Variants in JARID2 observed in about 807,000 individuals in gnomAD.
JARID2 encodes jumonji and AT-rich interaction domain containing 2, also known as protein Jumonji.
A neutral mutation model predicts 125.6 loss-of-function variants in JARID2; 21 were observed. The ratio of observed to expected loss-of-function variants is 0.17; its 90% confidence interval spans 0.12 to 0.24. The LOEUF (loss-of-function observed/expected upper bound fraction) is 0.24. JARID2 is among the 10% of genes least tolerant of loss of function. The probability of loss-of-function intolerance (pLI) is 1.00; values close to 1 mark genes in which losing one functional copy is unlikely to be tolerated. For synonymous variants in JARID2, 736 were observed against 661.6 expected, an observed-to-expected ratio of 1.11 and a Z score of -1.73; for missense variants, 1,303 against 1,639.6, an observed-to-expected ratio of 0.79 and a Z score of 3.55.
rs150112016 is a variant in JARID2, at chr6:15,507,364, C to T, written c.2679C>T (p.Thr893=). 53 of 1,614,062 alleles carry T rather than the reference C, an allele frequency of 3.3e-5. No homozygotes were observed. The African/African-American group carries it at 5.1e-4, about 15-fold the overall frequency. ...TTTGCAGGCATGGATGGAACCTCAC[C>T]GTCCTCCCCAATAACACAGGGTCCA... is the stretch of plus-strand genomic sequence containing the variant. The part of the protein sequence containing the change: ...EPFSRHGWNL[T]VLPNNTGSIL... Residue 893 remains threonine, a synonymous_variant, in exon 11 of 18, where the codon ACC becomes ACT. Coordinates refer to ENST00000341776, the MANE Select transcript of JARID2 (RefSeq NM_004973.4).
chr6:15,464,416 A>T (rs911551080), intron 4 of JARID2, among the ~76,000 whole-genome samples: 1 of 152,200 alleles, frequency 6.6e-6, no homozygotes, highest in African/African-American at 2.4e-5. Flanking sequence ...GTGCCCGACC[A>T]AATTCTGGAG....
intron 3 of JARID2, among the ~76,000 whole-genome samples, chr6:15,440,517 A>T (rs1000604954): frequency 2.0e-5 from 3 of 152,186 alleles, no homozygotes; most frequent in African/African-American, 7.2e-5. Context: ...GCAGTGTTGA[A>T]TGTTGGGAAA....
intron 3 of JARID2, among the ~76,000 whole-genome samples, chr6:15,415,589 G>A (rs1305672536): frequency 2.2e-5 from 3 of 136,376 alleles, no homozygotes; most frequent in African/African-American, 5.4e-5. Flanking sequence ...CTGGCCGGGC[G>A]GGGGGCTGAC....
At chr6:15,274,668 G>T (rs1424134352) in intron 1 of JARID2, among the ~76,000 whole-genome samples, 1 of 152,126 alleles carries the variant, frequency 6.6e-6, no homozygotes, top group Non-Finnish European at 1.5e-5. Flanking sequence ...GGGTGACTTA[G>T]CCAGGGCAAT....
chr6:15,337,107 A>G (rs1762904677), intron 1 of JARID2, among the ~76,000 whole-genome samples: 2 of 152,098 alleles, frequency 1.3e-5, no homozygotes, highest in Non-Finnish European at 1.5e-5. Context: ...AAACCCTGCC[A>G]TCTCTTTCCT....
intron 1 of JARID2, among the ~76,000 whole-genome samples, chr6:15,256,971 A>G (rs1759690738): frequency 6.6e-6 from 1 of 152,138 alleles, no homozygotes; most frequent in Admixed American, 6.5e-5. Context: ...AAAAAGATAG[A>G]CTTAACTGAT....
rs143867264 is a variant in JARID2 at position 15,271,250 on chromosome 6, C to T, written c.45+24666C>T. On this transcript the variant is annotated intron_variant, in intron 1 of 17. Transcript: ENST00000341776. ...AAGGGAGGTTCAGGAGGGCTTGAGG[C>T]CAGTGGGTTCTAATCACACAAGGAT... 5.8e-3 allele frequency among the ~76,000 whole-genome samples: 888 copies of T among 152,136 alleles called. 8 individuals carry two copies. Among genetic ancestry groups the T allele is most frequent in the African/African-American group, 0.021 (862 of 41,488 alleles).
At chr6:15,405,502 C>T (rs1765613547) in intron 2 of JARID2, among the ~76,000 whole-genome samples, 1 of 152,178 alleles carries the variant, frequency 6.6e-6, no homozygotes, top group African/African-American at 2.4e-5. Context: ...ATTTTCAGCT[C>T]ATATTTATTG....
At chr6:15,360,780 C>T (rs1480479027) in intron 1 of JARID2, among the ~76,000 whole-genome samples, 2 of 152,178 alleles carry the variant, frequency 1.3e-5, no homozygotes, top group East Asian at 3.8e-4. Flanking sequence ...GTGAGAATTA[C>T]AGACATGAGC....
At chr6:15,466,852 T>C (rs867140226) in intron 4 of JARID2, among the ~76,000 whole-genome samples, 4 of 152,258 alleles carry the variant, frequency 2.6e-5, no homozygotes, top group Non-Finnish European at 4.4e-5. Context: ...CTCCCTCTTC[T>C]ATTTGATTTT....
chr6:15,317,936 G>C (rs1372608734), intron 1 of JARID2, among the ~76,000 whole-genome samples: 1 of 152,222 alleles, frequency 6.6e-6, no homozygotes, highest in Non-Finnish European at 1.5e-5. Context: ...GTGCCTGCAA[G>C]TTCCAGCAGA....
intron 2 of JARID2, among the ~76,000 whole-genome samples, chr6:15,395,822 G>A (rs1333825423): frequency 6.6e-6 from 1 of 151,928 alleles, no homozygotes; most frequent in African/African-American, 2.4e-5. Flanking sequence ...GCACCACCAT[G>A]CCTGGCTAAT....
chr6:15,261,523 A>G (rs1262680558), intron 1 of JARID2, among the ~76,000 whole-genome samples: 1 of 151,616 alleles, frequency 6.6e-6, no homozygotes, highest in African/African-American at 2.4e-5. Context: ...TCACCATGTT[A>G]GTTTGCCAGG....
chr6:15,474,788 CTGAGA>C (rs1338516325), intron 5 of JARID2, among the ~76,000 whole-genome samples: 2 of 152,208 alleles, frequency 1.3e-5, no homozygotes, highest in African/African-American at 4.8e-5. Context: ...TCTTCTTTCC[CTGAGA>C]TAATAGTGAC....
intron 4 of JARID2, among the ~76,000 whole-genome samples, chr6:15,455,414 T>C (rs937813198): frequency 3.3e-5 from 5 of 152,260 alleles, no homozygotes. Flanking sequence ...ACATCCTCCT[T>C]CTGGGTGTTG....
intron 1 of JARID2, among the ~76,000 whole-genome samples, chr6:15,255,946 A>G (rs1759647585): frequency 6.6e-6 from 1 of 152,172 alleles, no homozygotes; most frequent in Non-Finnish European, 1.5e-5. Flanking sequence ...ATGTGAGCCT[A>G]CTTCAAGTTT....
At chr6:15,368,634 G>C in intron 1 of JARID2, 1 of 458,888 alleles carries the variant, frequency 2.2e-6, no homozygotes, top group South Asian at 1.5e-5. Flanking sequence ...CGTAAGGAAT[G>C]ATTAAAGGAA....
At position 15,487,406 on chromosome 6, in the gene JARID2, G is replaced by A. The variant is rs750797182; in HGVS notation, c.770G>A (p.Arg257Gln). ...GCAAAGGAGAAGCACAGCGATCACCGGGCTGACAGCCGCCGGGAGCAGGCT... is the reference window on the plus strand; with the variant it reads ...GCAAAGGAGAAGCACAGCGATCACCAGGCTGACAGCCGCCGGGAGCAGGCT... ...TPAKEKHSDH[R>Q]ADSRREQASA... The change falls in exon 6 of 18, where the codon CGG becomes CAG. Residue 257 changes from arginine (R) to glutamine (Q), a missense_variant. Physicochemically the swap from Arg to Gln is conservative, Grantham distance 43. Coordinates refer to ENST00000341776, the MANE Select transcript of JARID2 (RefSeq NM_004973.4). 11 of 1,614,102 alleles carry A rather than the reference G, an allele frequency of 6.8e-6. No individual in the cohort carries two copies. The Admixed American group carries it at 1.3e-4, about 20-fold the overall frequency.
Position 15,487,389 on chromosome 6 carries a change from G to A in JARID2, c.753G>A (p.Glu251=). The A allele has an allele frequency of 6.2e-7, 1 of 1,614,224 alleles. No homozygotes were observed. The highest frequency in any genetic ancestry group is 8.5e-7 in the Non-Finnish European group (1 of 1,180,050). Residue 251 remains glutamate (E), a synonymous_variant, in exon 6 of 18, where the codon GAG becomes GAA. Coordinates refer to ENST00000341776, the MANE Select transcript of JARID2 (RefSeq NM_004973.4). Reference sequence around the variant, plus strand: ...GCAAAGAGGCCACTCCCGCAAAGGAGAAGCACAGCGATCACCGGGCTGACA... The same window carrying A: ...GCAAAGAGGCCACTCCCGCAAAGGAAAAGCACAGCGATCACCGGGCTGACA... ...HKSKEATPAK[E]KHSDHRADSR...
Sources: allele counts gnomAD v4.1 joint callset (sites outside exome capture counted in the v4.1 genomes callset), GRCh38; gene constraint gnomAD v4.1.1; transcripts MANE v1.5; gene names NCBI Gene and HGNC (gene_info 2026-07-23, HGNC 2026-07-21).